APLP2: variants seen among roughly 807,000 people sequenced by gnomAD.
APLP2 encodes CDEI box-binding protein.
In APLP2, 53 loss-of-function variants were observed where a neutral mutation model predicts 89.9. The observed-to-expected ratio is 0.59, with a 90% CI of 0.47 to 0.74. APLP2 has a LOEUF of 0.74. Ranked by LOEUF, APLP2 falls within the 30% of genes least tolerant of loss-of-function variation. The pLI, the probability that APLP2 is intolerant of heterozygous loss-of-function variation, is 0.00. For missense variants in APLP2, 973 were observed against 975.9 expected, an observed-to-expected ratio of 1.00 and a Z score of 0.04; for synonymous variants, 372 against 348.6, an observed-to-expected ratio of 1.07 and a Z score of -0.75.
chr11:130,091,343 C>T (rs71352173), intron 1 of APLP2, among the ~76,000 whole-genome samples: 29 of 141,810 alleles, frequency 2.0e-4, no homozygotes, highest in Middle Eastern at 3.9e-3. Flanking sequence ...CCCTCCCGGA[C>T]GGGGCGGCTG....
At chr11:130,070,798 G>A in intron 1 of APLP2, 1 of 1,325,644 alleles carries the variant, frequency 7.5e-7, no homozygotes. Flanking sequence ...AGGTGCCCGC[G>A]AAGGCGTGTA....
In APLP2 at chr11:130,136,260, C is replaced by T. The variant is rs143881457; in HGVS notation, c.1837+545C>T. Among the ~76,000 whole-genome samples, 81 of 152,284 alleles carry T rather than the reference C, an allele frequency of 5.3e-4. 1 individual carries two copies. The East Asian group carries it at 0.014, about 26-fold the overall frequency. On this transcript the variant is annotated intron_variant, in intron 13 of 16. Transcript: ENST00000338167. ...TCCAGAAATAAACAAGTTGCTGAGA[C>T]CAGTGCCCTGAGAGCCGTCCCCCTC...
At position 130,141,650 on chromosome 11, in the gene APLP2, G is replaced by T; in HGVS notation, c.1998+78G>T. On this transcript the variant is annotated intron_variant, in intron 15 of 16. Coordinates refer to ENST00000338167, the MANE Select transcript of APLP2 (RefSeq NM_001142276.2). This position sits in a 1 kb window ranked among gnomAD's most constrained non-coding sequence, Gnocchi z 4.2. Reference sequence around the variant, plus strand: ...CCTCTGGACCTTCTCAGTTCAAGTAGAAAACGGGAGAGATGCCTGAGCTAA... The same window carrying T: ...CCTCTGGACCTTCTCAGTTCAAGTATAAAACGGGAGAGATGCCTGAGCTAA... The T allele has an allele frequency of 7.6e-7, 1 of 1,307,948 alleles. No individual in the cohort carries two copies. The allele number at this position is 1,307,948 out of a possible 1,614,324, so 81.0% of individuals were successfully genotyped here.
At position 130,126,701 on chromosome 11, in the gene APLP2, T is replaced by A. The variant is rs770180599; in HGVS notation, c.1092T>A (p.Ile364=). ...DYCMAVCKAM[I]PPTPLPTNDV... Reference sequence around the variant, plus strand: ...ACTCCCTCTGTAATTTTGTTTCAGTTCCTCCAACTCCTCTGCCAACCAATG... The same window carrying A: ...ACTCCCTCTGTAATTTTGTTTCAGTACCTCCAACTCCTCTGCCAACCAATG... Residue 364 remains isoleucine (I), a splice_region_variant and synonymous_variant, in exon 8 of 17, where the codon ATT becomes ATA. Coordinates refer to ENST00000338167, the MANE Select transcript of APLP2 (RefSeq NM_001142276.2). The A allele has an allele frequency of 2.5e-6, 4 of 1,613,646 alleles. No individual in the cohort carries two copies. The South Asian group carries it at 4.4e-5, about 18-fold the overall frequency.
At chr11:130,079,731 T>C (rs12293949) in intron 1 of APLP2, among the ~76,000 whole-genome samples, 8,834 of 152,288 alleles carry the variant, frequency 0.058, 850 homozygotes, top group African/African-American at 0.2. Context: ...GTAACTTTTA[T>C]TTCTTTTTCT....
At chr11:130,099,416 A>G (rs1194425111) in intron 1 of APLP2, among the ~76,000 whole-genome samples, 1 of 152,264 alleles carries the variant, frequency 6.6e-6, no homozygotes, top group Admixed American at 6.5e-5. Context: ...AATAACTTCC[A>G]TGAGATTACA....
chr11:130,124,423 G>A (rs1263724337), intron 7 of APLP2, among the ~76,000 whole-genome samples: 2 of 152,182 alleles, frequency 1.3e-5, no homozygotes, highest in African/African-American at 2.4e-5. Context: ...GTGACAGGAA[G>A]GTCAGTGGTT....
chr11:130,075,732 A>G (rs1041315375), intron 1 of APLP2, among the ~76,000 whole-genome samples: 1 of 152,196 alleles, frequency 6.6e-6, no homozygotes, highest in African/African-American at 2.4e-5. Flanking sequence ...AGGGTTGAAC[A>G]TCACCCAGCT....
At chr11:130,084,965 C>T (rs1409734496) in intron 1 of APLP2, among the ~76,000 whole-genome samples, 3 of 152,096 alleles carry the variant, frequency 2.0e-5, no homozygotes, top group Non-Finnish European at 1.5e-5. Context: ...AAAGAGGAGA[C>T]ATTACAATTG....
Position 130,143,593 on chromosome 11 carries a change from T to C in APLP2, c.*145T>C, listed in dbSNP as rs1303655158. The stretch of plus-strand genomic sequence containing the variant: ...TGGACTGTAGGACTATATAAAGTAC[T>C]ACTGTAGAACTGCAATTTCCATTCT... On this transcript the variant is annotated 3_prime_UTR_variant, in exon 17 of 17. Transcript: ENST00000338167. 4.7e-6 allele frequency: 3 copies of C among 642,824 alleles called. No individual in the cohort carries two copies. Among genetic ancestry groups the C allele is most frequent in the Non-Finnish European group, 8.3e-6 (3 of 363,360 alleles). 39.8% of individuals were successfully genotyped at this position (642,824 alleles called of 1,614,324 possible).
At chr11:130,105,675 T>C (rs1017619606) in intron 1 of APLP2, among the ~76,000 whole-genome samples, 1 of 151,052 alleles carries the variant, frequency 6.6e-6, no homozygotes, top group African/African-American at 2.4e-5. Flanking sequence ...TCTCTTTCTC[T>C]CTCTCTCTCC....
Position 130,143,542 on chromosome 11 carries a change from G to C in APLP2, c.*94G>C. 2.8e-6 allele frequency: 3 copies of C among 1,056,082 alleles called. No homozygotes were observed. The highest frequency in any genetic ancestry group is 4.4e-6 in the Non-Finnish European group (3 of 684,778). The allele number at this position is 1,056,082 out of a possible 1,614,324, so 65.4% of individuals were successfully genotyped here. On this transcript the variant is annotated 3_prime_UTR_variant, in exon 17 of 17. Coordinates refer to ENST00000338167, the MANE Select transcript of APLP2 (RefSeq NM_001142276.2). ...ACTGCCAAGCAGCAGCCGCTGCCAG[G>C]GGCTGCGTCTGACATCCTGACCTCC...
At chr11:130,087,605 G>A (rs1944317262) in intron 1 of APLP2, among the ~76,000 whole-genome samples, 1 of 152,136 alleles carries the variant, frequency 6.6e-6, no homozygotes, top group Non-Finnish European at 1.5e-5. Context: ...GAGAACATTG[G>A]TTTGAAATGA....
chr11:130,142,496 G>A (rs1360255421), intron 16 of APLP2, among the ~76,000 whole-genome samples: 1 of 152,158 alleles, frequency 6.6e-6, no homozygotes, highest in Non-Finnish European at 1.5e-5. Context: ...ACTCCTTAGT[G>A]AACAGTGGGA....
intron 4 of APLP2, 80 bp from the exon 5 acceptor site, chr11:130,121,534 T>G: frequency 1.4e-6 from 2 of 1,434,070 alleles, no homozygotes; most frequent in Non-Finnish European, 1.8e-6. Flanking sequence ...AAGGGTTTAT[T>G]TTGGAGGGTA....
chr11:130,130,514 A>G (rs999850745), intron 11 of APLP2, among the ~76,000 whole-genome samples: 2 of 152,182 alleles, frequency 1.3e-5, no homozygotes, highest in Non-Finnish European at 1.5e-5. Flanking sequence ...TGTTTTGTGC[A>G]GTATAGTTTT....
intron 1 of APLP2, among the ~76,000 whole-genome samples, chr11:130,078,642 G>T (rs1399097144): frequency 6.6e-6 from 1 of 152,054 alleles, no homozygotes; most frequent in Non-Finnish European, 1.5e-5. Flanking sequence ...TTTTTGTGTA[G>T]AGGTGAAGTT....
intron 1 of APLP2, among the ~76,000 whole-genome samples, chr11:130,105,701 C>CTT (rs765278847): frequency 0.087 from 10,310 of 118,124 alleles, 1,464 homozygotes; most frequent in East Asian, 0.35. Context: ...TTTCTGTCTG[C>CTT]TTTTTTTTTT....
intron 10 of APLP2, 90 bp from the exon 11 acceptor site, chr11:130,129,948 A>G (rs966514933): frequency 9.6e-6 from 14 of 1,453,686 alleles, no homozygotes; most frequent in East Asian, 2.3e-5. Flanking sequence ...TGAGCTTTAC[A>G]TTCTTAAGTG....
Sources: allele counts gnomAD v4.1 joint callset (sites outside exome capture counted in the v4.1 genomes callset), GRCh38; gene constraint gnomAD v4.1.1; non-coding constraint Gnocchi (gnomAD v3.1); transcripts MANE v1.5; gene names NCBI Gene and HGNC (gene_info 2026-07-23, HGNC 2026-07-21).